Variants in DNAAF9 observed in about 807,000 individuals in gnomAD.
DNAAF9 encodes the protein shulin.
Under a neutral mutation model 167.0 loss-of-function variants are expected in DNAAF9, and 90 were observed. The observed-to-expected ratio is 0.54, with a 90% CI of 0.45 to 0.64. The LOEUF is 0.64. Among genes scored for constraint, DNAAF9 ranks in the 30% least tolerant of loss-of-function variants. DNAAF9 has a pLI of 0.00. For synonymous variants in DNAAF9, 491 were observed against 508.8 expected (o/e 0.96, Z 0.47); for missense variants, 1,315 against 1,442.2 (o/e 0.91, Z 1.43).
intron 23 of DNAAF9, chr20:3,295,965 T>C (rs1182614703): frequency 3.0e-5 from 47 of 1,584,030 alleles, no homozygotes; most frequent in South Asian, 2.4e-4. Flanking sequence ...TGCCAGATCT[T>C]GGTCAGGCAT....
At chr20:3,402,372 G>GTTT (rs35729715) in intron 1 of DNAAF9, among the ~76,000 whole-genome samples, 454 of 151,172 alleles carry the variant, frequency 3.0e-3, no homozygotes, top group African/African-American at 0.01. Flanking sequence ...ACCTCACATA[G>GTTT]TTTTTTTTTG....
At chr20:3,378,198 G>C (rs1276487267) in intron 3 of DNAAF9, among the ~76,000 whole-genome samples, 2 of 152,206 alleles carry the variant, frequency 1.3e-5, no homozygotes, top group Non-Finnish European at 2.9e-5. Flanking sequence ...CACTGAGGCA[G>C]GGAAACAGCA....
intron 35 of DNAAF9, among the ~76,000 whole-genome samples, chr20:3,254,580 T>C (rs2068246535): frequency 6.6e-6 from 1 of 152,194 alleles, no homozygotes; most frequent in Non-Finnish European, 1.5e-5. Context: ...TGTCCGGGCC[T>C]ATAGGAGCTG....
At chr20:3,394,430 G>A (rs778306272) in intron 1 of DNAAF9, among the ~76,000 whole-genome samples, 5 of 151,542 alleles carry the variant, frequency 3.3e-5, no homozygotes, top group East Asian at 3.9e-4. Context: ...TTTTCATGCC[G>A]AAGTTTAAAA....
In DNAAF9 at chr20:3,259,529, A is replaced by C. The variant is rs771484963; in HGVS notation, c.3006T>G (p.Ser1002Arg). 6.2e-7 allele frequency: 1 copy of C among 1,612,856 alleles called. No homozygotes were observed. The highest frequency in any genetic ancestry group is 8.5e-7 in the Non-Finnish European group (1 of 1,178,858). The change falls in exon 33 of 37, where the codon AGT (serine) becomes AGG (arginine). Residue 1002 changes from serine to arginine, a missense_variant. Physicochemically the swap from Ser to Arg is moderately radical, Grantham distance 110. Transcript: ENST00000252032. ...TGTGGTAGATGTTTCCGGAGAAGGG[A>C]CTTGGCTTGATGGAGGACTGAATTG... ...CKAIQSSIKP[S>R]PFSGNIYHIL...
intron 8 of DNAAF9, among the ~76,000 whole-genome samples, chr20:3,344,773 T>C (rs976041): frequency 0.4 from 61,268 of 151,994 alleles, 12,527 homozygotes; most frequent in Middle Eastern, 0.54. Flanking sequence ...TCCATGTACA[T>C]GTCTACCTAC....
intron 16 of DNAAF9, among the ~76,000 whole-genome samples, chr20:3,320,309 G>C (rs1312958031): frequency 6.6e-6 from 1 of 152,200 alleles, no homozygotes; most frequent in African/African-American, 2.4e-5. Flanking sequence ...AGGAATACTT[G>C]TAGGGAGAAA....
chr20:3,261,046 G>C (rs1489976776), intron 31 of DNAAF9, among the ~76,000 whole-genome samples: 1 of 151,610 alleles, frequency 6.6e-6, no homozygotes, highest in Non-Finnish European at 1.5e-5. Flanking sequence ...GGGCATCTCT[G>C]CTCTATTTTC....
chr20:3,276,481 A>T (rs906964606), intron 29 of DNAAF9, among the ~76,000 whole-genome samples: 2 of 152,260 alleles, frequency 1.3e-5, no homozygotes, highest in African/African-American at 4.8e-5. Context: ...GTTGGAAGGC[A>T]GTATAAATGA....
intron 1 of DNAAF9, among the ~76,000 whole-genome samples, chr20:3,389,904 C>T (rs1464241006): frequency 6.6e-6 from 1 of 152,046 alleles, no homozygotes; most frequent in East Asian, 1.9e-4. Context: ...GGCGTGATGG[C>T]GTGCGCCTGT....
At chr20:3,399,895 C>G (rs1369872082) in intron 1 of DNAAF9, among the ~76,000 whole-genome samples, 2 of 152,204 alleles carry the variant, frequency 1.3e-5, no homozygotes, top group African/African-American at 2.4e-5. Flanking sequence ...AGCTGCCAAA[C>G]TTAGTTCCTG....
At chr20:3,343,606 C>G (rs754549350) in intron 9 of DNAAF9, 70 bp downstream of exon 9, 75 of 1,241,478 alleles carry the variant, frequency 6.0e-5, no homozygotes, top group Non-Finnish European at 8.4e-5. Flanking sequence ...TGCACCCCCA[C>G]AGCCAACCCC....
intron 14 of DNAAF9, among the ~76,000 whole-genome samples, chr20:3,324,191 A>G (rs1250896210): frequency 1.3e-5 from 2 of 152,168 alleles, no homozygotes; most frequent in African/African-American, 4.8e-5. Context: ...AATCTTTCAA[A>G]TACTCTCTCT....
At chr20:3,388,561 A>G (rs1363968627) in intron 1 of DNAAF9, among the ~76,000 whole-genome samples, 2 of 152,248 alleles carry the variant, frequency 1.3e-5, no homozygotes, top group African/African-American at 4.8e-5. Context: ...GAAGCAACCC[A>G]AAGTGATAAA....
rs201582017 is a variant in DNAAF9, at chr20:3,395,945, GT to G, written c.83+11529del. ...GGTCATGGGAGGAACCTGGTAGGAG[GT>G]AATTGAATCATGGGGATGGGTCTTT... On this transcript the variant is annotated intron_variant, in intron 1 of 36. Coordinates refer to ENST00000252032, the MANE Select transcript of DNAAF9 (RefSeq NM_001009984.3). 9.0e-3 allele frequency among the ~76,000 whole-genome samples: 1,375 copies of G among 152,234 alleles called. 20 individuals carry two copies. The highest frequency in any genetic ancestry group is 0.032 in the African/African-American group (1,320 of 41,520).
chr20:3,295,076 A>G (rs991389841), intron 23 of DNAAF9, among the ~76,000 whole-genome samples: 3 of 152,034 alleles, frequency 2.0e-5, no homozygotes, highest in Admixed American at 1.3e-4. Flanking sequence ...TCACTGTGTT[A>G]GCCAGGATGG....
chr20:3,283,444 T>G (rs1439991964), intron 27 of DNAAF9, among the ~76,000 whole-genome samples: 1 of 152,188 alleles, frequency 6.6e-6, no homozygotes, highest in South Asian at 2.1e-4. Context: ...GTTCTAAGAG[T>G]TCCCCCAGGG....
chr20:3,397,148 G>C (rs948044850), intron 1 of DNAAF9, among the ~76,000 whole-genome samples: 3 of 151,848 alleles, frequency 2.0e-5, no homozygotes, highest in Non-Finnish European at 2.9e-5. Flanking sequence ...TCAGGAGGCT[G>C]AGTTGAGAGG....
At chr20:3,327,365 A>T (rs2069730049) in intron 12 of DNAAF9, among the ~76,000 whole-genome samples, 1 of 151,952 alleles carries the variant, frequency 6.6e-6, no homozygotes, top group Non-Finnish European at 1.5e-5. Context: ...TGTTCCTGGG[A>T]GTGGGGAAAG....
Sources: gnomAD v4.1 joint callset for allele counts (sites outside exome capture counted in the v4.1 genomes callset) on GRCh38, gnomAD v4.1.1 for gene constraint, MANE v1.5 for transcripts, NCBI Gene and HGNC (gene_info 2026-07-23, HGNC 2026-07-21) for gene names.